The following PDE4D variants were observed in gnomAD, a reference collection of about 807,000 sequenced individuals.
The protein encoded by PDE4D is phosphodiesterase 4D, also known as 3',5'-cyclic-AMP phosphodiesterase 4D.
In PDE4D, 24 loss-of-function variants were observed where a neutral mutation model predicts 87.4. The observed-to-expected ratio is 0.27, with a 90% CI of 0.20 to 0.39. The LOEUF is 0.39. Ranked by LOEUF, PDE4D falls within the 10% of genes least tolerant of loss-of-function variation. The pLI is 1.00. For missense variants in PDE4D, 714 were observed against 1,041.0 expected, an observed-to-expected ratio of 0.69 and a Z score of 4.32; for synonymous variants, 384 against 383.2, an observed-to-expected ratio of 1.00 and a Z score of -0.02.
chr5:59,378,982 G>C (rs200260677), intron 1 of PDE4D, among the ~76,000 whole-genome samples: 756 of 14,810 alleles, frequency 0.051, 6 homozygotes, highest in African/African-American at 0.29. Context: ...GTGTGTGTTT[G>C]TGTGTGTGTG....
chr5:60,177,692 A>G (rs1264411730), intron 2 of PDE4D, among the ~76,000 whole-genome samples: 4 of 152,210 alleles, frequency 2.6e-5, no homozygotes, highest in African/African-American at 9.6e-5. Context: ...TGTTCTAAGA[A>G]GTACACAATC....
At chr5:59,446,368 A>G (rs1251663239) in intron 1 of PDE4D, among the ~76,000 whole-genome samples, 1 of 152,176 alleles carries the variant, frequency 6.6e-6, no homozygotes, top group Non-Finnish European at 1.5e-5. Context: ...AAATATAGTG[A>G]ATTCTATTAG....
rs193038455 is a variant in PDE4D at position 59,935,717 on chromosome 5, G to A, written c.272+52771C>T. Among the ~76,000 whole-genome samples the A allele has an allele frequency of 1.2e-4, 19 of 152,308 alleles. No homozygotes were observed. In the East Asian group the frequency reaches 2.5e-3, roughly 20 times the overall value. On this transcript the variant is annotated intron_variant, in intron 3 of 16. Coordinates refer to the PDE4D transcript ENST00000502484. ...TTAAAGAGTAGTCTGAGGACCAGCA[G>A]ATTTAGCATCGTTTAGGAGCTTGTT...
At position 59,155,955 on chromosome 5, in the gene PDE4D, C is replaced by T. The variant is rs529014599; in HGVS notation, c.808+24640G>A. 4.6e-5 allele frequency among the ~76,000 whole-genome samples: 7 copies of T among 152,152 alleles called. No homozygotes were observed. In the South Asian group the frequency reaches 1.2e-3, roughly 27 times the overall value. ...TTATTTGCTGAAAGGAGATGAAGAG[C>T]TGCTGGTTTGGGAGGCTTAAGAGAG... On this transcript the variant is annotated intron_variant, in intron 5 of 14. Coordinates refer to ENST00000340635, the MANE Select transcript of PDE4D (RefSeq NM_001104631.2).
chr5:60,107,002 T>A (rs1305154821), intron 2 of PDE4D, among the ~76,000 whole-genome samples: 1 of 151,562 alleles, frequency 6.6e-6, no homozygotes, highest in Non-Finnish European at 1.5e-5. Context: ...AAGAAATAAC[T>A]AAAATCAGAG....
chr5:59,559,996 G>A (rs1430181702), intron 1 of PDE4D, among the ~76,000 whole-genome samples: 2 of 152,180 alleles, frequency 1.3e-5, no homozygotes, highest in African/African-American at 4.8e-5. Flanking sequence ...ATAGATTCAA[G>A]TTGAAAGGAA....
At chr5:59,212,837 T>C (rs184717222) in intron 2 of PDE4D, among the ~76,000 whole-genome samples, 1 of 151,980 alleles carries the variant, frequency 6.6e-6, no homozygotes, top group Non-Finnish European at 1.5e-5. Context: ...CTATTTAACA[T>C]TGTTTATTGT....
At chr5:59,490,873 A>G (rs1379065559) in intron 1 of PDE4D, among the ~76,000 whole-genome samples, 7 of 152,204 alleles carry the variant, frequency 4.6e-5, no homozygotes, top group Non-Finnish European at 4.4e-5. Flanking sequence ...ATGTATCTCT[A>G]TCCAGATTAA....
intron 1 of PDE4D, among the ~76,000 whole-genome samples, chr5:59,776,329 C>T (rs1228710504): frequency 6.6e-6 from 1 of 152,060 alleles, no homozygotes; most frequent in Non-Finnish European, 1.5e-5. Context: ...AAAATCTTAT[C>T]CTAGTGTTGA....
At chr5:59,520,631 A>G (rs1235846414) in intron 1 of PDE4D, among the ~76,000 whole-genome samples, 1 of 152,096 alleles carries the variant, frequency 6.6e-6, no homozygotes, top group African/African-American at 2.4e-5. Flanking sequence ...ATTTAAGATG[A>G]TAGGAAAGAG....
Position 59,595,348 on chromosome 5 carries a change from G to A in PDE4D, c.455+297820C>T, listed in dbSNP as rs115779405. On this transcript the variant is annotated intron_variant, in intron 1 of 14. Coordinates refer to ENST00000340635, the MANE Select transcript of PDE4D (RefSeq NM_001104631.2). Reference sequence around the variant, plus strand: ...TTATTTCATTTAGGAAACCATGCAAGTTCAACATGGGAAATACAAAAATAA... The same window carrying A: ...TTATTTCATTTAGGAAACCATGCAAATTCAACATGGGAAATACAAAAATAA... 5.4e-3 allele frequency among the ~76,000 whole-genome samples: 815 copies of A among 152,192 alleles called. 7 individuals are homozygous for A. The highest frequency in any genetic ancestry group is 0.019 in the African/African-American group (782 of 41,532).
Position 60,342,340 on chromosome 5 carries a change from T to C in PDE4D, c.-90+145602A>G, listed in dbSNP as rs532183660. ...TTACAATAAGATGTCAACATTACCATGTATTAATAGTAGTGGAAGGTGCGA... is the reference window on the plus strand; with the variant it reads ...TTACAATAAGATGTCAACATTACCACGTATTAATAGTAGTGGAAGGTGCGA... On this transcript the variant is annotated intron_variant, in intron 1 of 16. Coordinates refer to the PDE4D transcript ENST00000502484. Among the ~76,000 whole-genome samples the C allele has an allele frequency of 5.9e-5, 9 of 152,290 alleles. No homozygotes were observed. In the South Asian group the frequency reaches 1.9e-3, roughly 32 times the overall value.
intron 1 of PDE4D, among the ~76,000 whole-genome samples, chr5:59,767,206 C>T (rs2152586676): frequency 6.6e-6 from 1 of 152,118 alleles, no homozygotes; most frequent in South Asian, 2.1e-4. Context: ...TATGGCAAAA[C>T]TGTAAAAAAT....
chr5:59,739,138 G>T (rs913423686), intron 1 of PDE4D, among the ~76,000 whole-genome samples: 2 of 152,106 alleles, frequency 1.3e-5, no homozygotes, highest in South Asian at 4.1e-4. Context: ...AGGGAGAAAG[G>T]GCTGGGTGCA....
At chr5:60,191,725 A>G (rs2149522066) in intron 1 of PDE4D, among the ~76,000 whole-genome samples, 1 of 152,270 alleles carries the variant, frequency 6.6e-6, no homozygotes, top group South Asian at 2.1e-4. Context: ...TACCAGGCAC[A>G]GTGGCTCGTG....
intron 2 of PDE4D, among the ~76,000 whole-genome samples, chr5:59,991,877 T>C (rs1457972553): frequency 6.6e-6 from 1 of 152,194 alleles, no homozygotes; most frequent in East Asian, 1.9e-4. Flanking sequence ...CTTGATTGGA[T>C]TGAAGGATAC....
intron 1 of PDE4D, among the ~76,000 whole-genome samples, chr5:60,330,240 A>G (rs1381786919): frequency 1.3e-5 from 2 of 152,228 alleles, no homozygotes; most frequent in Non-Finnish European, 2.9e-5. Context: ...TTCTGTAAAA[A>G]TTCATTAAGT....
chr5:59,903,306 C>A (rs1310494751), intron 3 of PDE4D, among the ~76,000 whole-genome samples: 2 of 151,724 alleles, frequency 1.3e-5, no homozygotes, highest in Non-Finnish European at 2.9e-5. Context: ...GGTTTGCAGG[C>A]AAGAGAGGAG....
chr5:59,557,473 C>G (rs1187574814), intron 1 of PDE4D, among the ~76,000 whole-genome samples: 2 of 151,308 alleles, frequency 1.3e-5, no homozygotes, highest in Non-Finnish European at 2.9e-5. Flanking sequence ...TGCCTAAAAG[C>G]CAGAGACACT....
Sources: gnomAD v4.1 joint callset for allele counts (sites outside exome capture counted in the v4.1 genomes callset) on GRCh38, gnomAD v4.1.1 for gene constraint, MANE v1.5 for transcripts, NCBI Gene and HGNC (gene_info 2026-07-23, HGNC 2026-07-21) for gene names.